LARGE1: variants seen among roughly 807,000 people sequenced by gnomAD.
The protein encoded by LARGE1 is LARGE xylosyl- and glucuronyltransferase 1, also known as xylosyl- and glucuronyltransferase LARGE1.
Under a neutral mutation model 87.6 loss-of-function variants are expected in LARGE1, and 43 were observed. That is an observed-to-expected ratio of 0.49 (90% CI 0.38 to 0.63). The LOEUF is 0.63. Ranked by LOEUF, LARGE1 falls within the 30% of genes least tolerant of loss-of-function variation. The pLI, the probability that LARGE1 is intolerant of heterozygous loss-of-function variation, is 0.00. For missense variants in LARGE1, 802 were observed against 1,000.2 expected (o/e 0.80, Z 2.67); for synonymous variants, 434 against 394.6 (o/e 1.10, Z -1.18).
intron 2 of LARGE1, among the ~76,000 whole-genome samples, chr22:33,723,284 AC>A (rs1288546530): frequency 6.6e-6 from 1 of 152,170 alleles, no homozygotes; most frequent in Non-Finnish European, 1.5e-5. Context: ...TTGGCTGCAG[AC>A]CAAGCCCAGA....
intron 6 of LARGE1, among the ~76,000 whole-genome samples, chr22:33,491,871 A>G (rs999685560): frequency 4.6e-5 from 7 of 152,212 alleles, no homozygotes; most frequent in Admixed American, 4.6e-4. Context: ...AAATAAAGAC[A>G]AGGTCGAGGG....
At chr22:33,613,928 A>G (rs2079511575) in intron 4 of LARGE1, among the ~76,000 whole-genome samples, 1 of 152,166 alleles carries the variant, frequency 6.6e-6, no homozygotes, top group Admixed American at 6.5e-5. Flanking sequence ...GCCTGCGTTA[A>G]AGGTGCCTCA....
intron 2 of LARGE1, among the ~76,000 whole-genome samples, chr22:33,652,660 C>A (rs1165514814): frequency 6.6e-6 from 1 of 152,160 alleles, no homozygotes; most frequent in South Asian, 2.1e-4. Context: ...TCCTTCCTGC[C>A]CAGACCCCTG....
chr22:33,356,364 T>C (rs1307759227), intron 9 of LARGE1, among the ~76,000 whole-genome samples: 1 of 152,228 alleles, frequency 6.6e-6, no homozygotes, highest in Non-Finnish European at 1.5e-5. Flanking sequence ...TTCTCTGGCA[T>C]GATCCAAGGA....
At chr22:33,463,909 G>A (rs9619350) in intron 6 of LARGE1, among the ~76,000 whole-genome samples, 4,788 of 152,196 alleles carry the variant, frequency 0.031, 189 homozygotes, top group African/African-American at 0.091. Flanking sequence ...CCTGACCTCA[G>A]GTGATCTGCC....
At chr22:33,127,027 G>A in the LARGE1 span, among the ~76,000 whole-genome samples, 1 of 152,164 alleles carries the variant, frequency 6.6e-6, no homozygotes, top group African/African-American at 2.4e-5. Context: ...GATCTTCAGT[G>A]TTCTTCACTT....
chr22:33,338,531 A>G (rs1938759995), intron 9 of LARGE1, among the ~76,000 whole-genome samples: 1 of 152,192 alleles, frequency 6.6e-6, no homozygotes, highest in Admixed American at 6.5e-5. Flanking sequence ...TTTATGCCTT[A>G]TAACTATTTT....
chr22:33,217,864 C>T (rs1360104201), intron 11 of LARGE1, among the ~76,000 whole-genome samples: 1 of 152,142 alleles, frequency 6.6e-6, no homozygotes, highest in Non-Finnish European at 1.5e-5. Flanking sequence ...GTGATCCTCC[C>T]CTACTTAGCC....
the LARGE1 span, among the ~76,000 whole-genome samples, chr22:33,103,024 G>A: frequency 6.6e-6 from 1 of 152,082 alleles, no homozygotes; most frequent in Non-Finnish European, 1.5e-5. Context: ...GATCTCCCGC[G>A]GCCCCTGCCC....
At chr22:33,885,354 T>A (rs73406677) in intron 1 of LARGE1, among the ~76,000 whole-genome samples, 1 of 152,342 alleles carries the variant, frequency 6.6e-6, no homozygotes, top group African/African-American at 2.4e-5. Flanking sequence ...TGAGACTTCA[T>A]CCCAGGAGTA....
chr22:33,353,185 T>TTAGCAAGAC (rs1181052058), intron 9 of LARGE1, among the ~76,000 whole-genome samples: 5 of 152,228 alleles, frequency 3.3e-5, no homozygotes, highest in South Asian at 2.1e-4. Context: ...AGATGTGTGA[T>TTAGCAAGAC]TAGCAAGACA....
At chr22:33,301,103 C>T (rs923725152) in intron 12 of LARGE1, among the ~76,000 whole-genome samples, 1 of 152,174 alleles carries the variant, frequency 6.6e-6, no homozygotes, top group Non-Finnish European at 1.5e-5. Flanking sequence ...GCACCCTTAA[C>T]CTCAACTCCC....
intron 6 of LARGE1, among the ~76,000 whole-genome samples, chr22:33,558,442 G>A (rs1044099265): frequency 3.3e-5 from 5 of 152,180 alleles, no homozygotes; most frequent in South Asian, 2.1e-4. Context: ...CCAAGTGTCC[G>A]TCAGGTACCA....
At chr22:33,301,911 T>G (rs1449038018) in intron 12 of LARGE1, among the ~76,000 whole-genome samples, 1 of 152,184 alleles carries the variant, frequency 6.6e-6, no homozygotes, top group Non-Finnish European at 1.5e-5. Context: ...TTCATACGTA[T>G]TGCTTTTTAA....
intron 6 of LARGE1, among the ~76,000 whole-genome samples, chr22:33,525,000 C>A (rs1295735105): frequency 2.0e-5 from 3 of 152,190 alleles, no homozygotes; most frequent in Non-Finnish European, 4.4e-5. Flanking sequence ...ACTACTATTT[C>A]TTTAGCACAC....
At position 33,466,800 on chromosome 22, in the gene LARGE1, A is replaced by G. The variant is rs150417946; in HGVS notation, c.788-34535T>C. Among the ~76,000 whole-genome samples the G allele has an allele frequency of 6.1e-4, 93 of 152,050 alleles. 1 individual carries two copies. The East Asian group carries it at 0.015, about 25-fold the overall frequency. On this transcript the variant is annotated intron_variant, in intron 6 of 14. Transcript: ENST00000397394. ...ACGCCTGTAACCCCAGCACTTTGGGAGGCTGAGGAGGATGGATCCCCCAAG... is the reference window on the plus strand; with the variant it reads ...ACGCCTGTAACCCCAGCACTTTGGGGGGCTGAGGAGGATGGATCCCCCAAG...
intron 11 of LARGE1, among the ~76,000 whole-genome samples, chr22:33,310,470 A>T (rs1170637881): frequency 6.6e-6 from 1 of 152,060 alleles, no homozygotes; most frequent in African/African-American, 2.4e-5. Flanking sequence ...CTGCTGAAGG[A>T]GAAGCAGAAC....
At chr22:33,150,845 C>T in the LARGE1 span, among the ~76,000 whole-genome samples, 11 of 152,174 alleles carry the variant, frequency 7.2e-5, no homozygotes, top group Non-Finnish European at 2.9e-5. Flanking sequence ...GTCTTGATTA[C>T]TATAGCTATA....
At chr22:33,390,999 T>C (rs561017890) in intron 7 of LARGE1, among the ~76,000 whole-genome samples, 35 of 152,170 alleles carry the variant, frequency 2.3e-4, no homozygotes, top group Non-Finnish European at 4.1e-4. Flanking sequence ...ACCCAGCTAA[T>C]TTTTTGTATT....
Sources: allele counts gnomAD v4.1 joint callset (sites outside exome capture counted in the v4.1 genomes callset), GRCh38; gene constraint gnomAD v4.1.1; transcripts MANE v1.5; gene names NCBI Gene and HGNC (gene_info 2026-07-23, HGNC 2026-07-21).